Variants in DACH1 observed in about 807,000 individuals in gnomAD.
The protein encoded by DACH1 is dachshund family transcription factor 1.
Under a neutral mutation model 54.2 loss-of-function variants are expected in DACH1, and 12 were observed. That is an observed-to-expected ratio of 0.22 (90% CI 0.14 to 0.36). The LOEUF (loss-of-function observed/expected upper bound fraction) is 0.36. DACH1 is among the 10% of genes least tolerant of loss of function. The probability of loss-of-function intolerance (pLI) is 1.00; values close to 1 mark genes in which losing one functional copy is unlikely to be tolerated. For synonymous variants in DACH1, 386 were observed against 366.2 expected, an observed-to-expected ratio of 1.05 and a Z score of -0.62; for missense variants, 805 against 929.8, an observed-to-expected ratio of 0.87 and a Z score of 1.75.
At chr13:71,757,589 T>C (rs1885223234) in intron 1 of DACH1, among the ~76,000 whole-genome samples, 1 of 150,044 alleles carries the variant, frequency 6.7e-6, no homozygotes, top group Admixed American at 6.7e-5. Context: ...AATGGTGCAA[T>C]CTTGGCTCAC....
intron 1 of DACH1, among the ~76,000 whole-genome samples, chr13:71,807,243 T>G (rs1001293410): frequency 6.6e-6 from 1 of 152,166 alleles, no homozygotes; most frequent in African/African-American, 2.4e-5. Flanking sequence ...CAACATGGCA[T>G]GTTTATATCC....
At chr13:71,542,498 G>A (rs1462691999) in intron 6 of DACH1, among the ~76,000 whole-genome samples, 1 of 151,996 alleles carries the variant, frequency 6.6e-6, no homozygotes, top group Non-Finnish European at 1.5e-5. Flanking sequence ...AAATACATGT[G>A]TCGATAGCTG....
At chr13:71,489,773 A>G (rs1436309433) in intron 6 of DACH1, among the ~76,000 whole-genome samples, 1 of 152,140 alleles carries the variant, frequency 6.6e-6, no homozygotes, top group African/African-American at 2.4e-5. Context: ...TTTTACCTTC[A>G]TATTGAAAAA....
At chr13:71,622,333 G>A (rs1005741816) in intron 3 of DACH1, among the ~76,000 whole-genome samples, 1 of 151,878 alleles carries the variant, frequency 6.6e-6, no homozygotes, top group Non-Finnish European at 1.5e-5. Context: ...AAACACCCTA[G>A]TAAAATCTCT....
chr13:71,751,062 C>T (rs927957711), intron 1 of DACH1, among the ~76,000 whole-genome samples: 5 of 152,166 alleles, frequency 3.3e-5, no homozygotes, highest in African/African-American at 2.4e-5. Context: ...TTATAAATGG[C>T]AGTCAGATGT....
chr13:71,446,547 C>T (rs904936341), intron 10 of DACH1, among the ~76,000 whole-genome samples: 4 of 152,196 alleles, frequency 2.6e-5, no homozygotes, highest in African/African-American at 7.2e-5. Flanking sequence ...GTATCTTGCA[C>T]ATTTTCACAG....
chr13:71,606,106 A>C (rs1320667713), intron 3 of DACH1, among the ~76,000 whole-genome samples: 1 of 152,036 alleles, frequency 6.6e-6, no homozygotes, highest in Non-Finnish European at 1.5e-5. Context: ...TACTGTAATA[A>C]ATGATATTCT....
rs78889128 is a variant in DACH1, at chr13:71,653,299, G to T, written c.965-22582C>A. Among the ~76,000 whole-genome samples the T allele has an allele frequency of 1.6e-4, 24 of 152,214 alleles. No homozygotes were observed. The East Asian group carries it at 3.5e-3, about 22-fold the overall frequency. The stretch of plus-strand genomic sequence containing the variant: ...ATTCCAGTGCCAACAAACATCAGCT[G>T]GTTCTAAGGTCAACACATTTACCAA... On this transcript the variant is annotated intron_variant, in intron 2 of 10. Coordinates refer to ENST00000613252, the MANE Select transcript of DACH1 (RefSeq NM_080759.6).
chr13:71,748,904 C>A (rs1230717223), intron 1 of DACH1, among the ~76,000 whole-genome samples: 2 of 27,148 alleles, frequency 7.4e-5, no homozygotes, highest in Non-Finnish European at 1.2e-4. Context: ...CTTTCTCTTT[C>A]TTTCTTTCTT....
intron 6 of DACH1, among the ~76,000 whole-genome samples, chr13:71,493,759 A>G (rs950429206): frequency 6.6e-6 from 1 of 152,120 alleles, no homozygotes; most frequent in African/African-American, 2.4e-5. Flanking sequence ...ATTTATAAAA[A>G]ATTATTTAAG....
At chr13:71,792,242 A>G (rs1886863484) in intron 1 of DACH1, among the ~76,000 whole-genome samples, 1 of 152,152 alleles carries the variant, frequency 6.6e-6, no homozygotes, top group Non-Finnish European at 1.5e-5. Flanking sequence ...TCTAGTTTGC[A>G]AAATGTGATG....
chr13:71,656,427 T>C (rs1879093425), intron 2 of DACH1, among the ~76,000 whole-genome samples: 2 of 152,164 alleles, frequency 1.3e-5, no homozygotes, highest in South Asian at 4.1e-4. Flanking sequence ...TTTGTCAGTA[T>C]ATAGCTCCTT....
At chr13:71,803,014 T>C (rs142225670) in intron 1 of DACH1, among the ~76,000 whole-genome samples, 157 of 152,310 alleles carry the variant, frequency 1.0e-3, no homozygotes, top group African/African-American at 3.4e-3. Context: ...TCTCATTATA[T>C]ACAAAATGTT....
Position 71,440,696 on chromosome 13 carries a change from G to A in DACH1, c.2084-4C>T. ...GTTTTCAAATACAGTCTTCCATCTA[G>A]AAATGAACAGTGAAAAATTAATTAA... On this transcript the variant is annotated splice_region_variant and splice_polypyrimidine_tract_variant and intron_variant, in intron 10 of 10. Coordinates refer to ENST00000613252, the MANE Select transcript of DACH1 (RefSeq NM_080759.6). 6.3e-7 allele frequency: 1 copy of A among 1,598,352 alleles called. No homozygotes were observed. The highest frequency in any genetic ancestry group is 8.5e-7 in the Non-Finnish European group (1 of 1,171,526).
chr13:71,637,896 G>T (rs1877603839), intron 2 of DACH1, among the ~76,000 whole-genome samples: 1 of 152,016 alleles, frequency 6.6e-6, no homozygotes, highest in Non-Finnish European at 1.5e-5. Flanking sequence ...TTCTTTCTCT[G>T]ATCTGTTTGT....
intron 2 of DACH1, among the ~76,000 whole-genome samples, chr13:71,670,274 G>T (rs1175551323): frequency 1.3e-5 from 2 of 152,062 alleles, no homozygotes; most frequent in African/African-American, 2.4e-5. Context: ...TTATCATTTT[G>T]AAAATCAGCT....
At chr13:71,442,002 T>C (rs1332446610) in intron 10 of DACH1, among the ~76,000 whole-genome samples, 3 of 152,084 alleles carry the variant, frequency 2.0e-5, no homozygotes, top group Admixed American at 6.6e-5. Flanking sequence ...TCTGGGTAAA[T>C]GGGGTGTCTA....
intron 1 of DACH1, among the ~76,000 whole-genome samples, chr13:71,756,170 A>G (rs1885142034): frequency 6.6e-6 from 1 of 152,052 alleles, no homozygotes; most frequent in Admixed American, 6.6e-5. Context: ...ACCTGGGACT[A>G]CAGGCACATG....
intron 7 of DACH1, among the ~76,000 whole-genome samples, chr13:71,479,830 C>G: frequency 6.6e-6 from 1 of 152,114 alleles, no homozygotes; most frequent in East Asian, 1.9e-4. Context: ...GTTTCTGCCC[C>G]CACGGACTTT....
Sources: allele counts gnomAD v4.1 joint callset (sites outside exome capture counted in the v4.1 genomes callset), GRCh38; gene constraint gnomAD v4.1.1; transcripts MANE v1.5; gene names NCBI Gene and HGNC (gene_info 2026-07-23, HGNC 2026-07-21).